Variants in IPCEF1 observed in about 807,000 individuals in gnomAD.
IPCEF1 encodes interactor protein for cytohesin exchange factors 1.
In IPCEF1, 31 loss-of-function variants were observed where a neutral mutation model predicts 50.9. That is an observed-to-expected ratio of 0.61 (90% CI 0.46 to 0.82). The LOEUF (loss-of-function observed/expected upper bound fraction) is 0.82, where lower values mean the gene tolerates loss of function less well. Ranked by LOEUF, IPCEF1 falls within the 40% of genes least tolerant of loss-of-function variation. The pLI, the probability that IPCEF1 is intolerant of heterozygous loss-of-function variation, is 0.00. For synonymous variants in IPCEF1, 181 were observed against 192.0 expected, an observed-to-expected ratio of 0.94 and a Z score of 0.47; for missense variants, 458 against 514.0, an observed-to-expected ratio of 0.89 and a Z score of 1.05.
chr6:154,297,441 C>T (rs957008852), intron 1 of IPCEF1, among the ~76,000 whole-genome samples: 1 of 152,190 alleles, frequency 6.6e-6, no homozygotes, highest in Non-Finnish European at 1.5e-5. Flanking sequence ...GGTTGACGTG[C>T]AGGTCTGGCA....
At chr6:154,315,547 C>G (rs1227079328) in intron 1 of IPCEF1, among the ~76,000 whole-genome samples, 1 of 152,150 alleles carries the variant, frequency 6.6e-6, no homozygotes, top group East Asian at 1.9e-4. Context: ...GTCAGAGGCT[C>G]TAAGTCAATT....
rs1783973788 is a variant in IPCEF1, at chr6:154,343,962, C to T, written c.-62+12710G>A. On this transcript the variant is annotated intron_variant, in intron 1 of 11. Coordinates refer to ENST00000367220, the MANE Select transcript of IPCEF1 (RefSeq NM_001130700.2). ...TCCCCACGTGTGTAGAACATCAAGG[C>T]GCCCTGCATTTGCATATTAAAAGAC... is the stretch of plus-strand genomic sequence containing the variant. Among the ~76,000 whole-genome samples the T allele has an allele frequency of 1.3e-5, 2 of 151,974 alleles. 1 individual carries two copies. Among genetic ancestry groups the T allele is most frequent in the Admixed American group, 1.3e-4 (2 of 15,244 alleles).
chr6:154,162,847 C>T (rs1488310831), intron 11 of IPCEF1, among the ~76,000 whole-genome samples: 1 of 152,172 alleles, frequency 6.6e-6, no homozygotes, highest in African/African-American at 2.4e-5. Context: ...TCCACATCAA[C>T]CCCTAAGAGG....
intron 3 of IPCEF1, among the ~76,000 whole-genome samples, chr6:154,251,589 C>T (rs926418674): frequency 6.6e-6 from 1 of 152,118 alleles, no homozygotes; most frequent in African/African-American, 2.4e-5. Flanking sequence ...GAATTTTGCC[C>T]AAAGTCACCA....
intron 10 of IPCEF1, among the ~76,000 whole-genome samples, chr6:154,195,526 G>C (rs1776542149): frequency 6.6e-6 from 1 of 152,028 alleles, no homozygotes; most frequent in South Asian, 2.1e-4. Flanking sequence ...TTAAATTAAG[G>C]AACACCTATC....
intron 5 of IPCEF1, among the ~76,000 whole-genome samples, chr6:154,245,614 G>A (rs959431822): frequency 2.0e-5 from 3 of 152,156 alleles, no homozygotes; most frequent in Admixed American, 6.5e-5. Context: ...GCATGCCCAC[G>A]TCATTTCACA....
chr6:154,170,406 C>T (rs7754220), intron 10 of IPCEF1, among the ~76,000 whole-genome samples: 6,323 of 152,204 alleles, frequency 0.042, 431 homozygotes, highest in African/African-American at 0.14. Context: ...ACTTCACATG[C>T]CTTAGAGTTT....
intron 7 of IPCEF1, among the ~76,000 whole-genome samples, chr6:154,220,644 A>G (rs978056000): frequency 1.1e-4 from 16 of 152,272 alleles, no homozygotes; most frequent in Admixed American, 3.9e-4. Context: ...TGTCTCAAAA[A>G]TAAATAAATA....
chr6:154,352,862 G>A (rs538668836), intron 1 of IPCEF1, among the ~76,000 whole-genome samples: 1 of 152,206 alleles, frequency 6.6e-6, no homozygotes, highest in East Asian at 1.9e-4. Context: ...TAAACATATG[G>A]CAACATTCCC....
At chr6:154,220,455 G>C (rs567436011) in intron 7 of IPCEF1, among the ~76,000 whole-genome samples, 7 of 152,068 alleles carry the variant, frequency 4.6e-5, no homozygotes, top group African/African-American at 1.4e-4. Flanking sequence ...TCAGGAGTTC[G>C]AGACCAGCCT....
chr6:154,183,153 G>A (rs781495582), intron 10 of IPCEF1, among the ~76,000 whole-genome samples: 16 of 151,812 alleles, frequency 1.1e-4, no homozygotes, highest in Non-Finnish European at 1.9e-4. Flanking sequence ...CTAATTTTTT[G>A]TATTTTTAGT....
chr6:154,290,107 G>A (rs924212809), intron 1 of IPCEF1, among the ~76,000 whole-genome samples: 1 of 152,130 alleles, frequency 6.6e-6, no homozygotes, highest in South Asian at 2.1e-4. Context: ...ACTTGAAGCT[G>A]GTGATCAGCA....
intron 1 of IPCEF1, among the ~76,000 whole-genome samples, chr6:154,347,613 G>T (rs1285664813): frequency 6.6e-6 from 1 of 152,240 alleles, no homozygotes; most frequent in African/African-American, 2.4e-5. Context: ...AAAAGTAGTT[G>T]CAGGTTTTGC....
chr6:154,189,986 A>G (rs1414632231), intron 10 of IPCEF1, among the ~76,000 whole-genome samples: 2 of 152,158 alleles, frequency 1.3e-5, no homozygotes, highest in East Asian at 3.8e-4. Context: ...TAATATGTAC[A>G]ATTGTTATAT....
rs769435242 is a variant in IPCEF1, at chr6:154,265,922, C to T, written c.26G>A (p.Gly9Asp). The part of the protein sequence containing the change: MTSYMAID[G>D]SALQVPLRQK... ...CCAAAGGATACTTACAAGAGCACTG[C>T]CATCAATAGCCATGTATGATGTCAT... is the stretch of plus-strand genomic sequence containing the variant. Residue 9 changes from glycine to aspartate, a missense_variant, in exon 3 of 12, where the codon GGC becomes GAC. Coordinates refer to ENST00000367220, the MANE Select transcript of IPCEF1 (RefSeq NM_001130700.2). 6.3e-7 allele frequency: 1 copy of T among 1,599,752 alleles called. No homozygotes were observed. Among genetic ancestry groups the T allele is most frequent in the Non-Finnish European group, 8.5e-7 (1 of 1,172,238 alleles).
intron 10 of IPCEF1, among the ~76,000 whole-genome samples, chr6:154,175,968 T>C (rs1800289695): frequency 6.6e-6 from 1 of 152,144 alleles, no homozygotes; most frequent in South Asian, 2.1e-4. Flanking sequence ...AAAAAGCTTA[T>C]CCACCACAAT....
intron 10 of IPCEF1, among the ~76,000 whole-genome samples, chr6:154,181,499 G>A (rs939894784): frequency 6.6e-6 from 1 of 152,202 alleles, no homozygotes; most frequent in Non-Finnish European, 1.5e-5. Flanking sequence ...GCTATACTAT[G>A]CTATGAATAT....
intron 1 of IPCEF1, among the ~76,000 whole-genome samples, chr6:154,317,925 G>A (rs1783265248): frequency 1.3e-5 from 2 of 152,100 alleles, no homozygotes; most frequent in African/African-American, 4.8e-5. Flanking sequence ...ATTCAGGTTG[G>A]AAACAACCCA....
intron 1 of IPCEF1, among the ~76,000 whole-genome samples, chr6:154,318,315 C>A (rs1321014466): frequency 1.3e-5 from 2 of 152,128 alleles, no homozygotes; most frequent in African/African-American, 4.8e-5. Context: ...TGACCTGTGC[C>A]TTTCACTACA....
Sources: allele counts gnomAD v4.1 joint callset (sites outside exome capture counted in the v4.1 genomes callset), GRCh38; gene constraint gnomAD v4.1.1; transcripts MANE v1.5; gene names NCBI Gene and HGNC (gene_info 2026-07-23, HGNC 2026-07-21).